The following TTC28 variants were observed in gnomAD, a reference collection of about 807,000 sequenced individuals.
TTC28 encodes tetratricopeptide repeat protein 28.
Under a neutral mutation model 198.0 loss-of-function variants are expected in TTC28, and 61 were observed. The ratio of observed to expected loss-of-function variants is 0.31; its 90% confidence interval spans 0.25 to 0.38. TTC28 has a LOEUF of 0.38. Among genes scored for constraint, TTC28 ranks in the 10% least tolerant of loss-of-function variants. TTC28 has a pLI of 1.00. For synonymous variants in TTC28, 1,171 were observed against 1,297.8 expected, an observed-to-expected ratio of 0.90 and a Z score of 2.10; for missense variants, 2,678 against 3,164.0, an observed-to-expected ratio of 0.85 and a Z score of 3.69.
intron 2 of TTC28, among the ~76,000 whole-genome samples, chr22:28,512,980 T>C (rs1173306526): frequency 1.2e-4 from 2 of 16,196 alleles, no homozygotes; most frequent in Non-Finnish European, 3.0e-4. Context: ...TTAACCTGGA[T>C]TTTTTTTTTT....
Position 28,482,207 on chromosome 22 carries a change from C to CTTTTTTT in TTC28, c.381+147338_381+147344dup, listed in dbSNP as rs36011379. Among the ~76,000 whole-genome samples, 12 of 66,938 alleles carry CTTTTTTT rather than the reference C, an allele frequency of 1.8e-4. 1 individual carries two copies. Among genetic ancestry groups the CTTTTTTT allele is most frequent in the East Asian group, 1.1e-3 (2 of 1,774 alleles). The allele number at this position is 66,938 out of a possible 152,430, so 43.9% of individuals were successfully genotyped here. ...GCTAGTAGAGATAGTAATGGGCAGTCTTTTTTTTTTTTTTTTTTTTTTTTT... is the reference window on the plus strand; with the variant it reads ...GCTAGTAGAGATAGTAATGGGCAGTCTTTTTTTTTTTTTTTTTTTTTTTTTTTTTTTT... On this transcript the variant is annotated intron_variant, in intron 2 of 22. Coordinates refer to ENST00000397906, the MANE Select transcript of TTC28 (RefSeq NM_001145418.2).
chr22:28,384,631 T>A (rs2046546981), intron 2 of TTC28, among the ~76,000 whole-genome samples: 1 of 152,226 alleles, frequency 6.6e-6, no homozygotes, highest in Non-Finnish European at 1.5e-5. Flanking sequence ...TAACTGGGTA[T>A]CTTCAATGCT....
intron 6 of TTC28, among the ~76,000 whole-genome samples, chr22:28,149,495 C>T (rs529274842): frequency 1.3e-5 from 2 of 152,148 alleles, no homozygotes; most frequent in South Asian, 2.1e-4. Flanking sequence ...TGAAATTAGC[C>T]GGGCACAGAA....
intron 2 of TTC28, among the ~76,000 whole-genome samples, chr22:28,362,617 C>T (rs551289850): frequency 5.9e-5 from 9 of 152,252 alleles, no homozygotes; most frequent in Non-Finnish European, 1.0e-4. Flanking sequence ...AAGTTTGGAA[C>T]ACCCTAGAGA....
Position 28,030,492 on chromosome 22 carries a change from G to A in TTC28, c.3933-126C>T. On this transcript the variant is annotated intron_variant, in intron 12 of 22. Transcript: ENST00000397906. The stretch of plus-strand genomic sequence containing the variant: ...CTAGTACCGTTGTCTCCAGATGACA[G>A]CATCACCCCACTCCCTCCTCAGTGT... The A allele has an allele frequency of 2.5e-6, 3 of 1,177,896 alleles. No individual in the cohort carries two copies. In the South Asian group the frequency reaches 4.7e-5, roughly 18 times the overall value. 73.0% of individuals were successfully genotyped at this position (1,177,896 alleles called of 1,614,324 possible).
chr22:28,267,370 T>C (rs906850066), intron 5 of TTC28, among the ~76,000 whole-genome samples: 5 of 152,200 alleles, frequency 3.3e-5, no homozygotes, highest in African/African-American at 1.2e-4. Context: ...GAAGAAAGTT[T>C]ATAAGCTGGT....
intron 2 of TTC28, among the ~76,000 whole-genome samples, chr22:28,609,927 C>A (rs980431778): frequency 2.0e-5 from 3 of 152,156 alleles, no homozygotes; most frequent in Non-Finnish European, 4.4e-5. Flanking sequence ...TTTGCTGAGG[C>A]TTGAGAAGGC....
intron 2 of TTC28, among the ~76,000 whole-genome samples, chr22:28,491,903 A>G: frequency 6.6e-6 from 1 of 152,222 alleles, no homozygotes; most frequent in African/African-American, 2.4e-5. Flanking sequence ...AATGTGGCAC[A>G]TATACACCAC....
intron 6 of TTC28, among the ~76,000 whole-genome samples, chr22:28,143,045 G>T (rs183869999): frequency 9.5e-4 from 145 of 152,270 alleles, no homozygotes; most frequent in Non-Finnish European, 1.8e-3. Context: ...AAATGTCAGA[G>T]GGAGAAAGAG....
chr22:28,285,171 CAT>C lies in TTC28; in HGVS notation c.933+11025_933+11026del, dbSNP rs554233237. Among the ~76,000 whole-genome samples the C allele has an allele frequency of 2.5e-3, 385 of 152,036 alleles. 2 individuals are homozygous for C. Among genetic ancestry groups the C allele is most frequent in the Non-Finnish European group, 3.8e-3 (258 of 67,966 alleles). ...GTACACATACACATACATACACACA[CAT>C]ACATACAAAAATATATGTACAATGA... is the stretch of plus-strand genomic sequence containing the variant. On this transcript the variant is annotated intron_variant, in intron 5 of 22. Transcript: ENST00000397906.
chr22:28,021,422 G>C (rs546037550), intron 13 of TTC28, among the ~76,000 whole-genome samples: 1 of 152,166 alleles, frequency 6.6e-6, no homozygotes, highest in Admixed American at 6.5e-5. Context: ...CCTGAGGAAC[G>C]CATGAAGGGG....
At chr22:28,230,682 A>G (rs114386054) in intron 5 of TTC28, among the ~76,000 whole-genome samples, 1 of 152,206 alleles carries the variant, frequency 6.6e-6, no homozygotes, top group East Asian at 1.9e-4. Context: ...ATTTTCCCTT[A>G]GACGTATATC....
intron 2 of TTC28, among the ~76,000 whole-genome samples, chr22:28,497,687 TG>T (rs1424093031): frequency 1.3e-5 from 2 of 152,138 alleles, no homozygotes; most frequent in African/African-American, 4.8e-5. Flanking sequence ...CATATGTAGG[TG>T]TTAGATACAA....
intron 3 of TTC28, among the ~76,000 whole-genome samples, chr22:28,298,501 G>A (rs2044948106): frequency 6.6e-6 from 1 of 152,100 alleles, no homozygotes; most frequent in Non-Finnish European, 1.5e-5. Context: ...AGGCTGGAGT[G>A]CAGTGGCATA....
intron 12 of TTC28, among the ~76,000 whole-genome samples, chr22:28,089,530 G>A (rs957795926): frequency 5.3e-5 from 8 of 151,080 alleles, no homozygotes; most frequent in East Asian, 2.0e-4. Context: ...GGGGGGATGG[G>A]GGAGGGATAG....
intron 5 of TTC28, among the ~76,000 whole-genome samples, chr22:28,257,107 C>A (rs1930981413): frequency 6.6e-6 from 1 of 152,114 alleles, no homozygotes; most frequent in South Asian, 2.1e-4. Context: ...ATAACGGATG[C>A]TGGTGAGGAT....
At chr22:28,340,509 T>C (rs369008627) in intron 2 of TTC28, among the ~76,000 whole-genome samples, 2 of 151,700 alleles carry the variant, frequency 1.3e-5, no homozygotes, top group Admixed American at 6.6e-5. Context: ...TATAAAAATC[T>C]TGGATAAGTA....
chr22:28,130,889 C>T (rs1237084013), intron 6 of TTC28, among the ~76,000 whole-genome samples: 1 of 152,154 alleles, frequency 6.6e-6, no homozygotes, highest in Non-Finnish European at 1.5e-5. Context: ...AGTTTAGATA[C>T]TTTTTTCCCA....
intron 5 of TTC28, among the ~76,000 whole-genome samples, chr22:28,175,096 C>G (rs1330134803): frequency 6.7e-6 from 1 of 150,114 alleles, no homozygotes; most frequent in Non-Finnish European, 1.5e-5. Flanking sequence ...CCTTCTCTCA[C>G]CATATACAAA....
Sources: gnomAD v4.1 joint callset for allele counts (sites outside exome capture counted in the v4.1 genomes callset) on GRCh38, gnomAD v4.1.1 for gene constraint, MANE v1.5 for transcripts, NCBI Gene and HGNC (gene_info 2026-07-23, HGNC 2026-07-21) for gene names.